NELL1: variants seen among roughly 807,000 people sequenced by gnomAD.
NELL1 encodes neural EGFL like 1.
NELL1 carries 76 observed loss-of-function variants against 107.4 expected under a neutral mutation model. The observed-to-expected ratio is 0.71, with a 90% confidence interval of 0.59 to 0.86. NELL1 has a LOEUF of 0.86. Among genes scored for constraint, NELL1 ranks in the 40% least tolerant of loss-of-function variants. The pLI, the probability that NELL1 is intolerant of heterozygous loss-of-function variation, is 0.00. For synonymous variants in NELL1, 353 were observed against 341.2 expected (o/e 1.03, Z -0.38); for missense variants, 1,024 against 1,005.5 (o/e 1.02, Z -0.25).
At chr11:21,062,623 C>T (rs1223192404) in intron 12 of NELL1, among the ~76,000 whole-genome samples, 11 of 152,080 alleles carry the variant, frequency 7.2e-5, no homozygotes, top group Admixed American at 1.3e-4. Flanking sequence ...CTGGCACTAA[C>T]CCCCTGGAAT....
At chr11:20,923,924 T>C (rs1850434440) in intron 7 of NELL1, among the ~76,000 whole-genome samples, 2 of 152,192 alleles carry the variant, frequency 1.3e-5, no homozygotes, top group Non-Finnish European at 2.9e-5. Flanking sequence ...ACCACACAAC[T>C]AATGTACTTA....
chr11:21,334,908 A>T (rs1024277903), intron 14 of NELL1, among the ~76,000 whole-genome samples: 35 of 151,870 alleles, frequency 2.3e-4, no homozygotes, highest in Non-Finnish European at 8.8e-5. Context: ...AAAACAGATA[A>T]AATGCCTAGC....
chr11:21,328,132 A>T (rs1043650653), intron 14 of NELL1, among the ~76,000 whole-genome samples: 1 of 152,134 alleles, frequency 6.6e-6, no homozygotes, highest in African/African-American at 2.4e-5. Context: ...GTTATCAGAG[A>T]CCTTCATGGC....
chr11:20,947,424 G>C lies in NELL1; in HGVS notation c.1160G>C (p.Arg387Pro). 6.2e-7 allele frequency: 1 copy of C among 1,613,826 alleles called. No individual in the cohort carries two copies. The highest frequency in any genetic ancestry group is 8.5e-7 in the Non-Finnish European group (1 of 1,179,790). Residue 387 changes from arginine to proline, a missense_variant, in exon 11 of 20, where the codon CGT becomes CCT. Transcript: ENST00000357134. ...DHILPENQCC[R>P]VCRGHNFCAE... The stretch of plus-strand genomic sequence containing the variant: ...ATTCTTCCTGAGAATCAGTGCTGCC[G>C]TGTCTGTAGAGGTAAGTGGGCTTGG...
chr11:21,394,090 TATTGCCTGTGCCAGG>T (rs1487143056), intron 15 of NELL1, among the ~76,000 whole-genome samples: 3 of 151,628 alleles, frequency 2.0e-5, no homozygotes, highest in Non-Finnish European at 4.4e-5. Context: ...TTACTGAGTA[TATTGCCTGTGCCAGG>T]ATGGCTCCAA....
At chr11:20,974,614 G>A (rs6483740) in intron 12 of NELL1, among the ~76,000 whole-genome samples, 4,129 of 152,006 alleles carry the variant, frequency 0.027, 174 homozygotes, top group African/African-American at 0.092. Flanking sequence ...TTTTTGGTGC[G>A]GAGGGTAAAC....
At chr11:20,872,157 G>C (rs2134088917) in intron 4 of NELL1, among the ~76,000 whole-genome samples, 1 of 148,168 alleles carries the variant, frequency 6.7e-6, no homozygotes, top group Non-Finnish European at 1.5e-5. Flanking sequence ...TACCAAATGA[G>C]TCCTCTATCA....
intron 14 of NELL1, among the ~76,000 whole-genome samples, chr11:21,230,316 TC>T (rs1858014067): frequency 6.6e-6 from 1 of 152,020 alleles, no homozygotes; most frequent in East Asian, 1.9e-4. Flanking sequence ...CCCCCCACTG[TC>T]CCTGGTGTTT....
chr11:21,031,191 T>C (rs528415962), intron 12 of NELL1, among the ~76,000 whole-genome samples: 3 of 152,226 alleles, frequency 2.0e-5, no homozygotes, highest in Admixed American at 6.5e-5. Flanking sequence ...AGATAGACCG[T>C]TCTGTGCACT....
At position 20,933,864 on chromosome 11, in the gene NELL1, C is replaced by T. The variant is rs140428047; in HGVS notation, c.998-3922C>T. On this transcript the variant is annotated intron_variant, in intron 9 of 19. Transcript: ENST00000357134. ...TGCAAAAAGATACAGCTGCATAACT[C>T]TTTATATCCTCAGTACATTTTGTTT... Among the ~76,000 whole-genome samples the T allele has an allele frequency of 2.8e-4, 43 of 152,286 alleles. 1 individual carries two copies. In the East Asian group the frequency reaches 6.8e-3, roughly 24 times the overall value.
intron 3 of NELL1, among the ~76,000 whole-genome samples, chr11:20,834,179 G>T (rs1848488224): frequency 6.6e-6 from 1 of 152,198 alleles, no homozygotes; most frequent in South Asian, 2.1e-4. Flanking sequence ...AAGGATGATA[G>T]CTGTGAAGGA....
At chr11:21,462,305 T>C (rs1853918845) in intron 15 of NELL1, among the ~76,000 whole-genome samples, 3 of 152,152 alleles carry the variant, frequency 2.0e-5, no homozygotes, top group African/African-American at 7.2e-5. Flanking sequence ...AGGGATATAC[T>C]AACTACTTCA....
intron 2 of NELL1, among the ~76,000 whole-genome samples, chr11:20,693,478 C>G (rs909023737): frequency 6.6e-6 from 1 of 151,806 alleles, no homozygotes; most frequent in East Asian, 1.9e-4. Context: ...TTAGGGCAGG[C>G]CTGGGTTGAC....
chr11:21,316,486 G>A (rs146429261), intron 14 of NELL1, among the ~76,000 whole-genome samples: 85 of 152,262 alleles, frequency 5.6e-4, no homozygotes, highest in African/African-American at 1.9e-3. Flanking sequence ...CACATTTAGT[G>A]TCACAGTTAT....
chr11:20,740,588 A>G (rs1192760904), intron 2 of NELL1, among the ~76,000 whole-genome samples: 1 of 152,082 alleles, frequency 6.6e-6, no homozygotes, highest in Admixed American at 6.5e-5. Flanking sequence ...GAGTCCCCTT[A>G]ACAGATTGCT....
intron 13 of NELL1, among the ~76,000 whole-genome samples, chr11:21,131,614 T>C (rs997754015): frequency 2.0e-5 from 3 of 152,220 alleles, no homozygotes; most frequent in African/African-American, 7.2e-5. Context: ...ATGTACTTAC[T>C]TGTTCCTTTT....
chr11:21,381,695 C>T (rs1193040818), intron 15 of NELL1, among the ~76,000 whole-genome samples: 1 of 151,864 alleles, frequency 6.6e-6, no homozygotes, highest in Non-Finnish European at 1.5e-5. Flanking sequence ...GTTCTTACAA[C>T]CTCTCACTGT....
At chr11:20,974,500 A>G (rs760739550) in intron 12 of NELL1, among the ~76,000 whole-genome samples, 2 of 151,724 alleles carry the variant, frequency 1.3e-5, no homozygotes, top group Non-Finnish European at 2.9e-5. Context: ...CCCAGGATAC[A>G]TTTGGTTAGT....
intron 15 of NELL1, among the ~76,000 whole-genome samples, chr11:21,505,381 C>A (rs1365916279): frequency 6.6e-6 from 1 of 151,964 alleles, no homozygotes; most frequent in Admixed American, 6.6e-5. Context: ...TGTAATTATG[C>A]CTTACTGCTT....
Sources: gnomAD v4.1 joint callset for allele counts (sites outside exome capture counted in the v4.1 genomes callset) on GRCh38, gnomAD v4.1.1 for gene constraint, MANE v1.5 for transcripts, NCBI Gene and HGNC (gene_info 2026-07-23, HGNC 2026-07-21) for gene names.